C9orf72: variants seen among roughly 807,000 people sequenced by gnomAD.
The protein encoded by C9orf72 is guanine nucleotide exchange factor C9orf72.
C9orf72 carries 44 observed loss-of-function variants against 51.6 expected under a neutral mutation model. The observed-to-expected ratio is 0.85, with a 90% CI of 0.67 to 1.10. C9orf72 has a LOEUF of 1.10. Ranked by LOEUF, C9orf72 falls within the 50% of genes least tolerant of loss-of-function variation. C9orf72 has a pLI of 0.00. For missense variants in C9orf72, 607 were observed against 570.6 expected (o/e 1.06, Z -0.65); for synonymous variants, 213 against 194.2 (o/e 1.10, Z -0.81).
In C9orf72 at chr9:27,556,557, G is replaced by A. The variant is rs746409630; in HGVS notation, c.1091+4C>T. ...ACAGTACCAGCAGGCAGAGCATTAC[G>A]TACAAATCAGGAGTAAAGCTTTCGT... On this transcript the variant is annotated splice_donor_region_variant and intron_variant, in intron 8 of 10. Transcript: ENST00000380003. The A allele has an allele frequency of 2.1e-5, 34 of 1,585,370 alleles. No individual in the cohort carries two copies. The highest frequency in any genetic ancestry group is 2.8e-5 in the Non-Finnish European group (32 of 1,154,348).
rs1444667426 is a variant in C9orf72, at chr9:27,556,796, C to A, written c.856G>T (p.Asp286Tyr). ...SGLFVQGLLK[D>Y]STGSFVLPFR... ...GGCAGCACAAAGCTTCCAGTTGAAT[C>A]CTGTCAAAATAAAAGGAAAATTTAC... is the stretch of plus-strand genomic sequence containing the variant. Residue 286 changes from aspartate (D) to tyrosine (Y), a missense_variant and splice_region_variant, in exon 8 of 11, where the codon GAT becomes TAT. Asp to Tyr is a radical substitution (Grantham distance 160, BLOSUM62 -3). Transcript: ENST00000380003. 1.2e-6 allele frequency: 2 copies of A among 1,603,560 alleles called. No individual in the cohort carries two copies. The highest frequency in any genetic ancestry group is 1.7e-6 in the Non-Finnish European group (2 of 1,170,756).
chr9:27,556,421 T>C (rs1293976041), intron 8 of C9orf72, 140 bp downstream of exon 8: 1 of 617,944 alleles, frequency 1.6e-6, no homozygotes, highest in Non-Finnish European at 2.8e-6. Context: ...AAAAAAATGC[T>C]TGATTAAATG....
intron 6 of C9orf72, chr9:27,559,293 A>C (rs1210402726): frequency 6.6e-6 from 1 of 151,258 alleles, no homozygotes; most frequent in Non-Finnish European, 1.5e-5. Context: ...AAACACTCCA[A>C]CTATGGAGCC....
chr9:27,565,865 A>C (rs183544902), intron 2 of C9orf72, among the ~76,000 whole-genome samples: 1 of 152,304 alleles, frequency 6.6e-6, no homozygotes, highest in East Asian at 1.9e-4. Context: ...TTCAAAAAGG[A>C]AAAGAATGAC....
In C9orf72 at chr9:27,556,632, C is replaced by G. The variant is rs757944597; in HGVS notation, c.1020G>C (p.Trp340Cys). The G allele has an allele frequency of 1.2e-6, 2 of 1,613,796 alleles. No individual in the cohort carries two copies. The highest frequency in any genetic ancestry group is 3.3e-5 in the Admixed American group (2 of 59,966). Residue 340 changes from tryptophan to cysteine, a missense_variant, in exon 8 of 11, where the codon TGG (tryptophan) becomes TGC (cysteine). Trp to Cys is a radical substitution (Grantham distance 215). Coordinates refer to ENST00000380003, the MANE Select transcript of C9orf72 (RefSeq NM_018325.5). ...RYMRSELTAF[W>C]RATSEEDMAQ... ...CCATGTCTTCTTCTGAAGTGGCTCT[C>G]CAGAAGGCTGTCAGCTCGGATCTCA...
At chr9:27,568,969 G>A (rs72710405) in intron 1 of C9orf72, among the ~76,000 whole-genome samples, 14,156 of 151,926 alleles carry the variant, frequency 0.093, 861 homozygotes, top group Non-Finnish European at 0.13. Context: ...AGTGGGACAA[G>A]ATGTGGAGGT....
At chr9:27,558,751 G>A (rs1819271082) in intron 6 of C9orf72, 144 bp from the exon 7 acceptor site, 1 of 527,294 alleles carries the variant, frequency 1.9e-6, no homozygotes, top group Admixed American at 3.7e-5. Context: ...GGAATCCATG[G>A]GATGTAACAG....
intron 8 of C9orf72, among the ~76,000 whole-genome samples, chr9:27,554,311 T>C (rs2131532160): frequency 6.6e-6 from 1 of 152,218 alleles, no homozygotes; most frequent in Admixed American, 6.5e-5. Flanking sequence ...GTGATACATA[T>C]ACACCATGGA....
chr9:27,565,725 CA>C, intron 2 of C9orf72, 135 bp from the exon 3 acceptor site: 1 of 598,950 alleles, frequency 1.7e-6, no homozygotes, highest in Admixed American at 3.0e-5. Context: ...AAAATGGGGG[CA>C]GGGGTAGGAA....
At chr9:27,555,686 G>A (rs933659924) in intron 8 of C9orf72, among the ~76,000 whole-genome samples, 1 of 151,332 alleles carries the variant, frequency 6.6e-6, no homozygotes, top group African/African-American at 2.4e-5. Flanking sequence ...TCAGCTTTCG[G>A]AATAGCTAGG....
chr9:27,548,315 T>C lies in C9orf72; in HGVS notation c.1367A>G (p.Lys456Arg), dbSNP rs1426169907. The change falls in exon 11 of 11, where the codon AAA (lysine) becomes AGA (arginine). Residue 456 changes from lysine (K) to arginine (R), a missense_variant. Transcript: ENST00000380003. Reference sequence around the variant, plus strand: ...AAAGATAAAAGAGTGTAGGCCTGGTTTAATTTTCTCAGCCAGAGCCATTAT... The same window carrying C: ...AAAGATAAAAGAGTGTAGGCCTGGTCTAATTTTCTCAGCCAGAGCCATTAT... Reference protein sequence around the residue: ...NIIMALAEKIKPGLHSFIFGR... With the variant: ...NIIMALAEKIRPGLHSFIFGR... 6.2e-7 allele frequency: 1 copy of C among 1,613,212 alleles called. No individual in the cohort carries two copies. The highest frequency in any genetic ancestry group is 8.5e-7 in the Non-Finnish European group (1 of 1,179,542).
rs1212653011 is a variant in C9orf72, at chr9:27,548,446, A to G, written c.1260-24T>C. 3 of 1,401,204 alleles carry G rather than the reference A, an allele frequency of 2.1e-6. No individual in the cohort carries two copies. In the African/African-American group the frequency reaches 4.5e-5, roughly 21 times the overall value. The allele number at this position is 1,401,204 out of a possible 1,614,324, so 86.8% of individuals were successfully genotyped here. On this transcript the variant is annotated intron_variant, in intron 10 of 10. Transcript: ENST00000380003. ...GCCTAAAAATAATGGAAAAAAAAAAAAAAAAAAAAAAAAAAGAAGCGCAAA... is the reference window on the plus strand; with the variant it reads ...GCCTAAAAATAATGGAAAAAAAAAAGAAAAAAAAAAAAAAAGAAGCGCAAA...
chr9:27,569,859 C>G (rs1819547098), intron 1 of C9orf72, among the ~76,000 whole-genome samples: 1 of 152,212 alleles, frequency 6.6e-6, no homozygotes, highest in African/African-American at 2.4e-5. Context: ...AACATTTGAT[C>G]TGTAAATGTA....
chr9:27,558,863 G>A (rs1049216344), intron 6 of C9orf72: 2 of 316,642 alleles, frequency 6.3e-6, no homozygotes, highest in Non-Finnish European at 1.2e-5. Flanking sequence ...GCTACATACT[G>A]TGACTCTTCA....
intron 6 of C9orf72, 130 bp downstream of exon 6, chr9:27,560,097 T>G: frequency 2.1e-6 from 1 of 484,286 alleles, no homozygotes; most frequent in Non-Finnish European, 3.7e-6. Flanking sequence ...TCTTAGCAAT[T>G]TGATGAGATT....
chr9:27,570,968 A>C (rs1819574380), intron 1 of C9orf72, among the ~76,000 whole-genome samples: 1 of 152,230 alleles, frequency 6.6e-6, no homozygotes, highest in Non-Finnish European at 1.5e-5. Flanking sequence ...ACCAAAAGAA[A>C]TAGCCTGGGA....
chr9:27,564,949 T>TA (rs1267146319), intron 3 of C9orf72, among the ~76,000 whole-genome samples: 4 of 152,184 alleles, frequency 2.6e-5, no homozygotes, highest in Non-Finnish European at 4.4e-5. Context: ...CTCAAACTCT[T>TA]AGTGTCTGTT....
rs371151244 is a variant in C9orf72 at position 27,548,196 on chromosome 9, G to C, written c.*40C>G. The C allele has an allele frequency of 6.7e-7, 1 of 1,494,482 alleles. No homozygotes were observed. Among genetic ancestry groups the C allele is most frequent in the Non-Finnish European group, 9.2e-7 (1 of 1,090,794 alleles). The allele number at this position is 1,494,482 out of a possible 1,614,324, so 92.6% of individuals were successfully genotyped here. A position where few individuals can be genotyped will look rare whatever the true frequency, so the allele number is the denominator to read the frequency against. ...CACACCACTGAGCTACTTTACCAGC[G>C]ATCATGATTGTGATGGAATAGGCTT... is the stretch of plus-strand genomic sequence containing the variant. On this transcript the variant is annotated 3_prime_UTR_variant, in exon 11 of 11. Coordinates refer to ENST00000380003, the MANE Select transcript of C9orf72 (RefSeq NM_018325.5).
chr9:27,569,346 C>A (rs904438941), intron 1 of C9orf72, among the ~76,000 whole-genome samples: 4 of 152,154 alleles, frequency 2.6e-5, no homozygotes, highest in African/African-American at 9.7e-5. Context: ...ATTAATTCAC[C>A]ACTCACTCAC....
Sources: gnomAD v4.1 joint callset for allele counts (sites outside exome capture counted in the v4.1 genomes callset) on GRCh38, gnomAD v4.1.1 for gene constraint, MANE v1.5 for transcripts, NCBI Gene and HGNC (gene_info 2026-07-23, HGNC 2026-07-21) for gene names.